Variants in PLA2G2E observed in about 807,000 individuals in gnomAD.
PLA2G2E encodes the protein group IIE secretory phospholipase A2.
In PLA2G2E, 14 loss-of-function variants were observed where a neutral mutation model predicts 16.5. That is an observed-to-expected ratio of 0.85 (90% CI 0.56 to 1.33). PLA2G2E has a LOEUF of 1.33. Among genes scored for constraint, PLA2G2E ranks in the 40% most tolerant of loss-of-function variants. The pLI, the probability that PLA2G2E is intolerant of heterozygous loss-of-function variation, is 0.00. For synonymous variants in PLA2G2E, 72 were observed against 77.2 expected (o/e 0.93, Z 0.36); for missense variants, 174 against 190.7 (o/e 0.91, Z 0.52).
chr1:19,922,409 A>T lies in PLA2G2E; in HGVS notation c.180-5T>A. 6.2e-7 allele frequency: 1 copy of T among 1,613,090 alleles called. No individual in the cohort carries two copies. Among genetic ancestry groups the T allele is most frequent in the Non-Finnish European group, 8.5e-7 (1 of 1,179,240 alleles). On this transcript the variant is annotated splice_polypyrimidine_tract_variant and splice_region_variant and intron_variant, in intron 2 of 3. Transcript: ENST00000375116. ...CAGTCGTGGGCGTGGCAGCACCTGT[A>T]AGGGTCATGGTTGACCTGGAGGGAC...
rs61729970 is a variant in PLA2G2E, at chr1:19,920,383, C to T, written c.353G>A (p.Arg118His). Residue 118 changes from arginine to histidine, a missense_variant, in exon 4 of 4, where the codon CGC (arginine) becomes CAC (histidine). By Grantham distance (29) the Arg-to-His change is conservative (BLOSUM62 0). Transcript: ENST00000375116. The surrounding 1 kb of genome is among the most constrained non-coding windows in gnomAD (Gnocchi z 4.3). ...TTTGCGGTTGTAGGTGCCCAGGTTG[C>T]GGCGAAAGCAGAGGGCAGCCCTCTT... ...CDKRAALCFR[R>H]NLGTYNRKYA... 146,804 of 1,613,614 alleles carry T rather than the reference C, an allele frequency of 0.091. 6,889 individuals are homozygous for T. The highest frequency in any genetic ancestry group is 0.12 in the East Asian group (5,343 of 44,854).
In PLA2G2E at chr1:19,922,608, C is replaced by G. The variant is rs776334815; in HGVS notation, c.179+9G>C. 1.7e-5 allele frequency: 27 copies of G among 1,613,746 alleles called. No individual in the cohort carries two copies. Among genetic ancestry groups the G allele is most frequent in the Non-Finnish European group, 2.2e-5 (26 of 1,179,862 alleles). ...CCCATGGAGGTCCCCCTGCAGGCTG[C>G]TTCCTCACCAGTCAGTCTGGTCCAC... is the stretch of plus-strand genomic sequence containing the variant. On this transcript the variant is annotated intron_variant, in intron 2 of 3. Coordinates refer to ENST00000375116, the MANE Select transcript of PLA2G2E (RefSeq NM_014589.3).
chr1:19,922,098 G>C (rs1343875398), intron 3 of PLA2G2E, among the ~76,000 whole-genome samples, 200 bp downstream of exon 3: 1 of 152,172 alleles, frequency 6.6e-6, no homozygotes, highest in Non-Finnish European at 1.5e-5. Context: ...GCACTGATGG[G>C]GTACGGGCTT....
intron 3 of PLA2G2E, among the ~76,000 whole-genome samples, chr1:19,921,696 T>C (rs2045817572): frequency 1.3e-5 from 2 of 152,250 alleles, no homozygotes; most frequent in Admixed American, 1.3e-4. Context: ...TCTTTCAGGC[T>C]GCTCCTGGCT....
rs780494033 is a variant in PLA2G2E at position 19,922,373 on chromosome 1, G to T, written c.211C>A (p.Arg71Ser). 2 of 1,613,878 alleles carry T rather than the reference G, an allele frequency of 1.2e-6. No homozygotes were observed. Among genetic ancestry groups the T allele is most frequent in the Non-Finnish European group, 1.7e-6 (2 of 1,179,896 alleles). ...GGCTCACAGCCCAGCTTCTCCAGAC[G>T]CCCGTAGCAGCAGTCGTGGGCGTGG... Reference protein sequence around the residue: ...CCHAHDCCYGRLEKLGCEPKL... With the variant: ...CCHAHDCCYGSLEKLGCEPKL... Residue 71 changes from arginine (R) to serine (S), a missense_variant, in exon 3 of 4, where the codon CGT becomes AGT. Physicochemically the swap from Arg to Ser is moderately radical, Grantham distance 110. Coordinates refer to ENST00000375116, the MANE Select transcript of PLA2G2E (RefSeq NM_014589.3).
intron 3 of PLA2G2E, among the ~76,000 whole-genome samples, chr1:19,921,478 C>T (rs1021455974): frequency 6.6e-6 from 1 of 152,200 alleles, no homozygotes; most frequent in Non-Finnish European, 1.5e-5. Context: ...TCCCCTCAGC[C>T]CTGATCCTGG....
chr1:19,922,077 G>A (rs2045820803), intron 3 of PLA2G2E, among the ~76,000 whole-genome samples: 1 of 152,164 alleles, frequency 6.6e-6, no homozygotes, highest in South Asian at 2.1e-4. Flanking sequence ...AGATACCTGG[G>A]GCTGAGGGCT....
intron 1 of PLA2G2E, 148 bp from the exon 2 acceptor site, chr1:19,922,903 C>T (rs1393922507): frequency 2.7e-5 from 22 of 818,022 alleles, no homozygotes; most frequent in Middle Eastern, 3.0e-4. Context: ...CAACAACAAC[C>T]GTGGTAATAA....
In PLA2G2E at chr1:19,920,712, C is replaced by G. The variant is rs907585939; in HGVS notation, c.287-263G>C. On this transcript the variant is annotated intron_variant, in intron 3 of 3. Coordinates refer to ENST00000375116, the MANE Select transcript of PLA2G2E (RefSeq NM_014589.3). The surrounding 1 kb of genome is among the most constrained non-coding windows in gnomAD (Gnocchi z 4.3). ...CACGCTGACTGCCCTTAGCTCTCTCCGGCCTTAGGGACACCACGTGGTTCC... is the reference window on the plus strand; with the variant it reads ...CACGCTGACTGCCCTTAGCTCTCTCGGGCCTTAGGGACACCACGTGGTTCC... 1.1e-4 allele frequency among the ~76,000 whole-genome samples: 17 copies of G among 152,162 alleles called. No individual in the cohort carries two copies. The highest frequency in any genetic ancestry group is 9.8e-4 in the Admixed American group (15 of 15,286).
In PLA2G2E at chr1:19,923,602, C is replaced by T; in HGVS notation, c.-43G>A. 1 of 1,532,520 alleles carries T rather than the reference C, an allele frequency of 6.5e-7. No homozygotes were observed. Among genetic ancestry groups the T allele is most frequent in the South Asian group, 1.2e-5 (1 of 81,426 alleles). 94.9% of individuals were successfully genotyped at this position (1,532,520 alleles called of 1,614,324 possible). On this transcript the variant is annotated 5_prime_UTR_variant, in exon 1 of 4. Transcript: ENST00000375116. ...GGAGGTGCACAAGGAGCATAAAAGG[C>T]AGCAGAAGAAAGCAGCAGGGCCACC...
chr1:19,923,428 C>G, intron 1 of PLA2G2E, 92 bp downstream of exon 1: 1 of 1,161,652 alleles, frequency 8.6e-7, no homozygotes, highest in Non-Finnish European at 1.2e-6. Context: ...TTGGCATCCA[C>G]CACACCCTCG....
rs145303802 is a variant in PLA2G2E, at chr1:19,922,676, G to A, written c.120C>T (p.Asn40=). Residue 40 remains asparagine (N), a synonymous_variant, in exon 2 of 4, where the codon AAC becomes AAT. Coordinates refer to ENST00000375116, the MANE Select transcript of PLA2G2E (RefSeq NM_014589.3). ...CGATGCCGCAGTAACAGCCATAGTC[G>A]TTGTACTGCAGGGCGGACTTGCCTG... is the stretch of plus-strand genomic sequence containing the variant. ...KMTGKSALQY[N]DYGCYCGIGG... 3.6e-4 allele frequency: 579 copies of A among 1,613,982 alleles called. 3 individuals carry two copies. In the African/African-American group the frequency reaches 6.8e-3, roughly 19 times the overall value.
rs1349911597 is a variant in PLA2G2E, at chr1:19,920,660, C to T, written c.287-211G>A. Among the ~76,000 whole-genome samples the T allele has an allele frequency of 2.0e-5, 3 of 152,156 alleles. No homozygotes were observed. The highest frequency in any genetic ancestry group is 4.4e-5 in the Non-Finnish European group (3 of 68,036). The stretch of plus-strand genomic sequence containing the variant: ...ACCAGGGAAGCTGGAAGCTTGCCCT[C>T]GCTGTCCCTCCCTGCTCTCCCAAGC... On this transcript the variant is annotated intron_variant, in intron 3 of 3. Coordinates refer to ENST00000375116, the MANE Select transcript of PLA2G2E (RefSeq NM_014589.3). This position sits in a 1 kb window ranked among gnomAD's most constrained non-coding sequence, Gnocchi z 4.3.
Position 19,922,599 on chromosome 1 carries a change from T to G in PLA2G2E, c.179+18A>C. 1 of 1,613,442 alleles carries G rather than the reference T, an allele frequency of 6.2e-7. No individual in the cohort carries two copies. Among genetic ancestry groups the G allele is most frequent in the Non-Finnish European group, 8.5e-7 (1 of 1,179,738 alleles). On this transcript the variant is annotated intron_variant, in intron 2 of 3. Coordinates refer to ENST00000375116, the MANE Select transcript of PLA2G2E (RefSeq NM_014589.3). ...TCCTCCATCCCCATGGAGGTCCCCC[T>G]GCAGGCTGCTTCCTCACCAGTCAGT...
At position 19,920,338 on chromosome 1, in the gene PLA2G2E, T is replaced by A; in HGVS notation, c.398A>T (p.Lys133Met). 1 of 1,613,162 alleles carries A rather than the reference T, an allele frequency of 6.2e-7. No individual in the cohort carries two copies. ...GGGCGGGGTGGGCCCGGTGCACAGC[T>A]TGTTGGGATAATGGGCATATTTGCG... ...YNRKYAHYPN[K>M]LCTGPTPPC The change falls in exon 4 of 4, where the codon AAG becomes ATG. Residue 133 changes from lysine to methionine, a missense_variant. By Grantham distance (95) the Lys-to-Met change is moderately conservative. Transcript: ENST00000375116. This position sits in a 1 kb window ranked among gnomAD's most constrained non-coding sequence, Gnocchi z 4.3.
In PLA2G2E at chr1:19,920,496, T is replaced by G; in HGVS notation, c.287-47A>C. ...AGGGACCACAGAAGCTCAGGATATG[T>G]GTGGGACAGCTCTTGGCTGCTTCTG... is the stretch of plus-strand genomic sequence containing the variant. On this transcript the variant is annotated intron_variant, in intron 3 of 3. Coordinates refer to ENST00000375116, the MANE Select transcript of PLA2G2E (RefSeq NM_014589.3). This position sits in a 1 kb window ranked among gnomAD's most constrained non-coding sequence, Gnocchi z 4.3. 6.3e-7 allele frequency: 1 copy of G among 1,596,134 alleles called. No individual in the cohort carries two copies. The highest frequency in any genetic ancestry group is 1.3e-5 in the African/African-American group (1 of 74,794).
chr1:19,923,584 C>A lies in PLA2G2E; in HGVS notation c.-25G>T. 1 of 1,546,660 alleles carries A rather than the reference C, an allele frequency of 6.5e-7. No individual in the cohort carries two copies. Among genetic ancestry groups the A allele is most frequent in the Non-Finnish European group, 8.7e-7 (1 of 1,144,390 alleles). On this transcript the variant is annotated 5_prime_UTR_variant, in exon 1 of 4. Coordinates refer to ENST00000375116, the MANE Select transcript of PLA2G2E (RefSeq NM_014589.3). Reference sequence around the variant, plus strand: ...TCCCAGGTTGGGGGGAAGGGAGGTGCACAAGGAGCATAAAAGGCAGCAGAA... The same window carrying A: ...TCCCAGGTTGGGGGGAAGGGAGGTGAACAAGGAGCATAAAAGGCAGCAGAA...
Position 19,922,808 on chromosome 1 carries a change from A to G in PLA2G2E, c.41-53T>C, listed in dbSNP as rs555181484. On this transcript the variant is annotated intron_variant, in intron 1 of 3. Coordinates refer to ENST00000375116, the MANE Select transcript of PLA2G2E (RefSeq NM_014589.3). ...GGGAGGGCCCCACCCTCTGCAGCCA[A>G]CTTCCCCTGATGTCCCCTCAAATCT... 103 of 1,597,742 alleles carry G rather than the reference A, an allele frequency of 6.4e-5. 1 individual carries two copies. In the African/African-American group the frequency reaches 1.1e-3, roughly 18 times the overall value.
rs201523720 is a variant in PLA2G2E at position 19,920,405 on chromosome 1, T to G, written c.331A>C (p.Arg111=). The change falls in exon 4 of 4, where the codon AGG becomes CGG. Residue 111 remains arginine (R), a synonymous_variant. Coordinates refer to ENST00000375116, the MANE Select transcript of PLA2G2E (RefSeq NM_014589.3). The surrounding 1 kb of genome is among the most constrained non-coding windows in gnomAD (Gnocchi z 4.3). ...CQRLTCECDK[R]AALCFRRNLG... is the part of the protein sequence containing the mutation. ...TTGCGGCGAAAGCAGAGGGCAGCCCTCTTGTCACACTCGCAGGTCAGCCGC... is the reference window on the plus strand; with the variant it reads ...TTGCGGCGAAAGCAGAGGGCAGCCCGCTTGTCACACTCGCAGGTCAGCCGC... 469 of 1,613,910 alleles carry G rather than the reference T, an allele frequency of 2.9e-4. 6 individuals carry two copies. In the South Asian group the frequency reaches 4.6e-3, roughly 16 times the overall value.
Sources: allele counts gnomAD v4.1 joint callset (sites outside exome capture counted in the v4.1 genomes callset), GRCh38; gene constraint gnomAD v4.1.1; non-coding constraint Gnocchi (gnomAD v3.1); transcripts MANE v1.5; gene names NCBI Gene and HGNC (gene_info 2026-07-23, HGNC 2026-07-21).